Variants in ST6GALNAC3 observed in about 807,000 individuals in gnomAD.
ST6GALNAC3 encodes the protein ST6 N-acetylgalactosaminide alpha-2,6-sialyltransferase 3.
Under a neutral mutation model 32.7 loss-of-function variants are expected in ST6GALNAC3, and 25 were observed. The ratio of observed to expected loss-of-function variants is 0.76; its 90% CI spans 0.56 to 1.07. The LOEUF (loss-of-function observed/expected upper bound fraction) is 1.07, where lower values mean the gene tolerates loss of function less well. ST6GALNAC3 is among the 50% of genes least tolerant of loss of function. The probability of loss-of-function intolerance (pLI) is 0.00; values close to 1 mark genes in which losing one functional copy is unlikely to be tolerated. For missense variants in ST6GALNAC3, 355 were observed against 382.4 expected, an observed-to-expected ratio of 0.93 and a Z score of 0.60; for synonymous variants, 129 against 133.1, an observed-to-expected ratio of 0.97 and a Z score of 0.21.
At chr1:76,571,151 CCTAT>C (rs1181496487) in intron 3 of ST6GALNAC3, among the ~76,000 whole-genome samples, 1 of 152,096 alleles carries the variant, frequency 6.6e-6, no homozygotes, top group Non-Finnish European at 1.5e-5. Flanking sequence ...TATTCTATCT[CCTAT>C]CTGTGTACGT....
At chr1:76,296,532 A>G (rs1660415379) in intron 1 of ST6GALNAC3, among the ~76,000 whole-genome samples, 1 of 152,042 alleles carries the variant, frequency 6.6e-6, no homozygotes, top group South Asian at 2.1e-4. Flanking sequence ...TGCCTTTCAT[A>G]TGTAGAAAAT....
At chr1:76,095,026 A>G (rs896224391) in intron 1 of ST6GALNAC3, among the ~76,000 whole-genome samples, 1 of 152,096 alleles carries the variant, frequency 6.6e-6, no homozygotes, top group Non-Finnish European at 1.5e-5. Flanking sequence ...ATGTATACCT[A>G]TTAGGTGATA....
chr1:76,417,225 C>CT (rs548202073), intron 3 of ST6GALNAC3, among the ~76,000 whole-genome samples: 165 of 128,012 alleles, frequency 1.3e-3, no homozygotes, highest in African/African-American at 3.4e-3. Flanking sequence ...TTCTTTCTTT[C>CT]TTTTTTTTTT....
intron 2 of ST6GALNAC3, among the ~76,000 whole-genome samples, chr1:76,350,502 A>G (rs1489364992): frequency 6.6e-6 from 1 of 152,240 alleles, no homozygotes; most frequent in Non-Finnish European, 1.5e-5. Flanking sequence ...TGTCTTTTGA[A>G]TGACACATTT....
intron 1 of ST6GALNAC3, among the ~76,000 whole-genome samples, chr1:76,187,405 G>T (rs934539917): frequency 1.3e-5 from 2 of 152,168 alleles, no homozygotes; most frequent in African/African-American, 4.8e-5. Flanking sequence ...TACCTGACTG[G>T]ATGGATTCAG....
chr1:76,091,301 C>A (rs1333997738), intron 1 of ST6GALNAC3, among the ~76,000 whole-genome samples: 1 of 152,212 alleles, frequency 6.6e-6, no homozygotes, highest in Non-Finnish European at 1.5e-5. Context: ...TTAGTCAGAG[C>A]AGTCCTAAAT....
chr1:76,627,428 AT>A, intron 3 of ST6GALNAC3, 23 bp from the exon 4 acceptor site: 1 of 1,465,480 alleles, frequency 6.8e-7, no homozygotes, highest in Non-Finnish European at 9.6e-7. Context: ...TCTGTTTGTT[AT>A]TGTTTGTTTT....
At chr1:76,494,078 T>G (rs1346822455) in intron 3 of ST6GALNAC3, among the ~76,000 whole-genome samples, 2 of 152,092 alleles carry the variant, frequency 1.3e-5, no homozygotes, top group Non-Finnish European at 2.9e-5. Context: ...TCTTGATGTC[T>G]TATTACAACC....
chr1:76,254,925 A>C (rs1657832221), intron 1 of ST6GALNAC3, among the ~76,000 whole-genome samples: 1 of 152,080 alleles, frequency 6.6e-6, no homozygotes, highest in African/African-American at 2.4e-5. Context: ...GGTTAACATC[A>C]TATTACTTCA....
chr1:76,247,914 C>T (rs896668159), intron 1 of ST6GALNAC3, among the ~76,000 whole-genome samples: 2 of 151,910 alleles, frequency 1.3e-5, no homozygotes, highest in Non-Finnish European at 2.9e-5. Flanking sequence ...CCCAAACAGC[C>T]GCCCAGTTTT....
At chr1:76,145,071 T>G (rs1650592151) in intron 1 of ST6GALNAC3, among the ~76,000 whole-genome samples, 1 of 152,242 alleles carries the variant, frequency 6.6e-6, no homozygotes, top group Admixed American at 6.5e-5. Context: ...AACCCAGGCT[T>G]GTCTAAGAAT....
At chr1:76,352,715 T>C (rs1649095649) in intron 2 of ST6GALNAC3, among the ~76,000 whole-genome samples, 1 of 152,144 alleles carries the variant, frequency 6.6e-6, no homozygotes, top group South Asian at 2.1e-4. Context: ...TATTTCCATG[T>C]GGATGTATAA....
intron 1 of ST6GALNAC3, among the ~76,000 whole-genome samples, chr1:76,210,818 C>G (rs1655112372): frequency 6.6e-6 from 1 of 152,178 alleles, no homozygotes. Flanking sequence ...ATGATCTCAG[C>G]TCACTGCAAC....
intron 2 of ST6GALNAC3, among the ~76,000 whole-genome samples, chr1:76,322,094 A>C (rs1646977964): frequency 6.6e-6 from 1 of 152,208 alleles, no homozygotes; most frequent in African/African-American, 2.4e-5. Flanking sequence ...GGGGCCTATT[A>C]GAAATTCAAC....
At chr1:76,367,856 T>C (rs1650499780) in intron 2 of ST6GALNAC3, among the ~76,000 whole-genome samples, 1 of 152,168 alleles carries the variant, frequency 6.6e-6, no homozygotes, top group Admixed American at 6.5e-5. Context: ...AAATGTATCC[T>C]ATAAAGGGCT....
intron 1 of ST6GALNAC3, among the ~76,000 whole-genome samples, chr1:76,130,834 C>A (rs1278145485): frequency 6.6e-6 from 1 of 152,210 alleles, no homozygotes; most frequent in Non-Finnish European, 1.5e-5. Context: ...GGTTGCACCC[C>A]GCTCAGAGGT....
At chr1:76,592,236 G>C (rs1436416841) in intron 3 of ST6GALNAC3, among the ~76,000 whole-genome samples, 1 of 152,116 alleles carries the variant, frequency 6.6e-6, no homozygotes, top group Admixed American at 6.5e-5. Flanking sequence ...GATTATACTT[G>C]TCCAGAACAG....
At chr1:76,135,698 C>G (rs1027146251) in intron 1 of ST6GALNAC3, among the ~76,000 whole-genome samples, 11 of 152,190 alleles carry the variant, frequency 7.2e-5, no homozygotes, top group African/African-American at 1.9e-4. Flanking sequence ...CATAGTGGAG[C>G]TACCTGTCAC....
intron 3 of ST6GALNAC3, among the ~76,000 whole-genome samples, chr1:76,539,411 C>G (rs1663841906): frequency 6.6e-6 from 1 of 152,102 alleles, no homozygotes; most frequent in Non-Finnish European, 1.5e-5. Flanking sequence ...ACCATAAAAA[C>G]CTTAGAAGAA....
Sources: gnomAD v4.1 joint callset for allele counts (sites outside exome capture counted in the v4.1 genomes callset) on GRCh38, gnomAD v4.1.1 for gene constraint, MANE v1.5 for transcripts, NCBI Gene and HGNC (gene_info 2026-07-23, HGNC 2026-07-21) for gene names.